The following KCNH8 variants were observed in gnomAD, a reference collection of about 807,000 sequenced individuals.
KCNH8 encodes the protein potassium voltage-gated channel subfamily H member 8.
KCNH8 carries 70 observed loss-of-function variants against 103.6 expected under a neutral mutation model. The ratio of observed to expected loss-of-function variants is 0.68; its 90% CI spans 0.56 to 0.82. The LOEUF (loss-of-function observed/expected upper bound fraction) is 0.82. Ranked by LOEUF, KCNH8 falls within the 40% of genes least tolerant of loss-of-function variation. The probability of loss-of-function intolerance (pLI) is 0.00; values close to 1 mark genes in which losing one functional copy is unlikely to be tolerated. For missense variants in KCNH8, 1,217 were observed against 1,329.9 expected (o/e 0.92, Z 1.32); for synonymous variants, 498 against 489.4 (o/e 1.02, Z -0.23).
rs992112284 is a variant in KCNH8 at position 19,535,332 on chromosome 3, A to G, written c.*1233A>G. ...TTTAAGGCTCCCAACAATGCTATAC[A>G]GCGCAGTTGTTTCCATTCCTATTTT... On this transcript the variant is annotated 3_prime_UTR_variant, in exon 16 of 16. Transcript: ENST00000328405. 6.6e-6 allele frequency: 1 copy of G among 152,214 alleles called. No individual in the cohort carries two copies. Among genetic ancestry groups the G allele is most frequent in the Non-Finnish European group, 1.5e-5 (1 of 68,036 alleles). The allele number at this position is 152,214 out of a possible 1,614,324, so 9.4% of individuals were successfully genotyped here. A position where few individuals can be genotyped will look rare whatever the true frequency, so the allele number is the denominator to read the frequency against.
At chr3:19,179,322 GC>G (rs1436645636) in intron 1 of KCNH8, among the ~76,000 whole-genome samples, 1 of 152,126 alleles carries the variant, frequency 6.6e-6, no homozygotes, top group Non-Finnish European at 1.5e-5. Flanking sequence ...AAAAAACTAT[GC>G]TGATTAACAA....
intron 11 of KCNH8, among the ~76,000 whole-genome samples, chr3:19,477,403 T>C (rs1172920215): frequency 6.6e-6 from 1 of 151,356 alleles, no homozygotes; most frequent in East Asian, 2.0e-4. Flanking sequence ...TAACAATGAA[T>C]GTGAGGATTT....
At position 19,148,740 on chromosome 3, in the gene KCNH8, A is replaced by G. The variant is rs752312684; in HGVS notation, c.21A>G (p.Leu7=). 3.8e-5 allele frequency: 62 copies of G among 1,614,050 alleles called. No homozygotes were observed. The South Asian group carries it at 6.7e-4, about 17-fold the overall frequency. MPVMKG[L]LAPQNTFLDT... is the part of the protein sequence containing the mutation. ...GAAAAATGCCGGTTATGAAAGGATT[A>G]CTGGCGCCGCAAAACACCTTCCTGG... Residue 7 remains leucine, a synonymous_variant, in exon 1 of 16, where the codon TTA becomes TTG. Transcript: ENST00000328405.
chr3:19,176,334 A>T (rs1042330541), intron 1 of KCNH8, among the ~76,000 whole-genome samples: 1 of 152,208 alleles, frequency 6.6e-6, no homozygotes, highest in Non-Finnish European at 1.5e-5. Context: ...TGCTGAAAAT[A>T]TTCAGCTAAA....
At chr3:19,281,420 A>G in intron 3 of KCNH8, 91 bp downstream of exon 3, 1 of 1,192,492 alleles carries the variant, frequency 8.4e-7, no homozygotes, top group Non-Finnish European at 1.2e-6. Context: ...TGCATTTTTA[A>G]TAACAGCAAC....
chr3:19,485,920 G>T (rs1054250643), intron 11 of KCNH8, among the ~76,000 whole-genome samples: 1 of 152,112 alleles, frequency 6.6e-6, no homozygotes. Flanking sequence ...CTTGTATAAT[G>T]CTCCATGCAC....
At chr3:19,348,632 G>A (rs1397454990) in intron 5 of KCNH8, among the ~76,000 whole-genome samples, 3 of 151,980 alleles carry the variant, frequency 2.0e-5, no homozygotes, top group African/African-American at 4.8e-5. Context: ...GCTCTGGCTT[G>A]CTCATTCTAG....
chr3:19,390,356 C>A (rs1189568882), intron 5 of KCNH8, 125 bp from the exon 6 acceptor site: 1 of 680,240 alleles, frequency 1.5e-6, no homozygotes. Context: ...TTTCTTCCTC[C>A]CTTCCTTCCT....
intron 3 of KCNH8, among the ~76,000 whole-genome samples, chr3:19,314,272 T>C (rs1262489883): frequency 1.3e-5 from 2 of 151,958 alleles, no homozygotes; most frequent in African/African-American, 2.4e-5. Context: ...ATAAAGTCTA[T>C]TGATACTACA....
Position 19,486,303 on chromosome 3 carries a change from T to C in KCNH8, c.2041-24060T>C, listed in dbSNP as rs368265847. On this transcript the variant is annotated intron_variant, in intron 11 of 15. Transcript: ENST00000328405. ...AGGTTGTTACAGACTTCAATTGTTA[T>C]CTGGGGATTTTCACAAAGCAAGCTT... is the stretch of plus-strand genomic sequence containing the variant. Among the ~76,000 whole-genome samples the C allele has an allele frequency of 1.5e-4, 23 of 152,374 alleles. No individual in the cohort carries two copies. The East Asian group carries it at 3.5e-3, about 23-fold the overall frequency.
chr3:19,499,334 A>G (rs989474306), intron 11 of KCNH8, among the ~76,000 whole-genome samples: 9 of 152,110 alleles, frequency 5.9e-5, no homozygotes, highest in Admixed American at 3.3e-4. Flanking sequence ...TGAAAGTCAC[A>G]AGGAGAATGG....
chr3:19,421,259 CTTTG>C (rs1179989306), intron 7 of KCNH8, among the ~76,000 whole-genome samples: 1 of 151,996 alleles, frequency 6.6e-6, no homozygotes, highest in Non-Finnish European at 1.5e-5. Flanking sequence ...TTAAAAAAAT[CTTTG>C]TTTGACCAAA....
At chr3:19,276,999 A>G (rs1416363996) in intron 2 of KCNH8, among the ~76,000 whole-genome samples, 1 of 152,192 alleles carries the variant, frequency 6.6e-6, no homozygotes, top group Non-Finnish European at 1.5e-5. Context: ...ATATATACAT[A>G]ATGGAATATT....
intron 2 of KCNH8, among the ~76,000 whole-genome samples, chr3:19,261,089 A>G (rs2064429072): frequency 6.6e-6 from 1 of 150,954 alleles, no homozygotes; most frequent in African/African-American, 2.4e-5. Context: ...GGGAGTGCAG[A>G]TATCTTTTTC....
At chr3:19,401,208 G>C (rs1293287165) in intron 7 of KCNH8, among the ~76,000 whole-genome samples, 1 of 151,916 alleles carries the variant, frequency 6.6e-6, no homozygotes, top group Admixed American at 6.6e-5. Flanking sequence ...CAGTGATGCT[G>C]GTGTCACTGG....
chr3:19,192,581 C>T (rs932824976), intron 1 of KCNH8, among the ~76,000 whole-genome samples: 1 of 151,620 alleles, frequency 6.6e-6, no homozygotes, highest in Non-Finnish European at 1.5e-5. Flanking sequence ...TTTGTATTTA[C>T]TTTTGTTTTT....
chr3:19,490,545 C>G (rs538592961), intron 11 of KCNH8, among the ~76,000 whole-genome samples: 5 of 152,144 alleles, frequency 3.3e-5, no homozygotes, highest in Non-Finnish European at 7.3e-5. Flanking sequence ...ATAATATAAC[C>G]GATTAGGTCA....
intron 1 of KCNH8, among the ~76,000 whole-genome samples, chr3:19,180,909 G>T (rs1362191436): frequency 3.3e-5 from 5 of 152,050 alleles, no homozygotes; most frequent in South Asian, 2.1e-4. Context: ...AAAGGATATT[G>T]GTCAGAGGAA....
intron 5 of KCNH8, among the ~76,000 whole-genome samples, chr3:19,348,907 T>G (rs1010899616): frequency 6.0e-5 from 9 of 149,780 alleles, no homozygotes; most frequent in African/African-American, 2.2e-4. Flanking sequence ...TGTTTTTTTG[T>G]GTGTTTTTTT....
Sources: gnomAD v4.1 joint callset for allele counts (sites outside exome capture counted in the v4.1 genomes callset) on GRCh38, gnomAD v4.1.1 for gene constraint, MANE v1.5 for transcripts, NCBI Gene and HGNC (gene_info 2026-07-23, HGNC 2026-07-21) for gene names.